Variants in RPS6 observed in about 807,000 individuals in gnomAD.
RPS6 encodes small ribosomal subunit protein eS6.
Under a neutral mutation model 27.1 loss-of-function variants are expected in RPS6, and 1 was observed. That is an observed-to-expected ratio of 0.04 (90% CI 0.01 to 0.18). RPS6 has a LOEUF of 0.18. RPS6 is among the 10% of genes least tolerant of loss of function. RPS6 has a pLI of 1.00. For missense variants in RPS6, 259 were observed against 319.1 expected, an observed-to-expected ratio of 0.81 and a Z score of 1.44; for synonymous variants, 152 against 106.0, an observed-to-expected ratio of 1.43 and a Z score of -2.66.
chr9:19,378,313 A>G (rs975608842), intron 4 of RPS6, 55 bp downstream of exon 4: 32 of 1,565,034 alleles, frequency 2.0e-5, no homozygotes, highest in Admixed American at 2.0e-4. Context: ...ATGCACACAA[A>G]ATGATAGACA....
rs1829581049 is a variant in RPS6 at position 19,376,146 on chromosome 9, CT to C, written c.*146del. ...CCACTACCACACACAATAGGTCTGA[CT>C]TTATCCACCATTGGAATACCATATA... On this transcript the variant is annotated 3_prime_UTR_variant, in exon 6 of 6. Transcript: ENST00000380394. The C allele has an allele frequency of 1.4e-6, 1 of 693,218 alleles. No individual in the cohort carries two copies. The highest frequency in any genetic ancestry group is 1.9e-5 in the South Asian group (1 of 52,232). 42.9% of individuals were successfully genotyped at this position (693,218 alleles called of 1,614,324 possible). A position where few individuals can be genotyped will look rare whatever the true frequency, so the allele number is the denominator to read the frequency against.
At chr9:19,377,620 T>G (rs1197765658) in intron 4 of RPS6, among the ~76,000 whole-genome samples, 1 of 152,228 alleles carries the variant, frequency 6.6e-6, no homozygotes, top group African/African-American at 2.4e-5. Context: ...ACATGCTGTT[T>G]ATTTAACATA....
Position 19,379,511 on chromosome 9 carries a change from A to G in RPS6, c.114T>C (p.Ala38=), listed in dbSNP as rs764390818. 6.2e-7 allele frequency: 1 copy of G among 1,614,196 alleles called. No homozygotes were observed. The highest frequency in any genetic ancestry group is 1.1e-5 in the South Asian group (1 of 91,074). ...YEKRMATEVA[A]DALGEEWKGY... is the part of the protein sequence containing the mutation. ...CCTTCCATTCTTCACCCAGAGCGTC[A>G]GCAGCAACTTCTGTGGCCATACGCT... Residue 38 remains alanine (A), a synonymous_variant, in exon 2 of 6, where the codon GCT becomes GCC. Transcript: ENST00000380394.
intron 2 of RPS6, 141 bp downstream of exon 2, chr9:19,379,346 A>C: frequency 3.2e-6 from 5 of 1,544,014 alleles, no homozygotes; most frequent in Non-Finnish European, 4.4e-6. Context: ...AATACCTCTA[A>C]CTTTATAAAG....
rs369681273 is a variant in RPS6, at chr9:19,376,264, G to A, written c.*29C>T. ...GAAAAGTCAACAGAGATCAGAGTCT[G>A]ATCTTATTTATTTGTTACTCAAAAA... is the stretch of plus-strand genomic sequence containing the variant. On this transcript the variant is annotated 3_prime_UTR_variant, in exon 6 of 6. Transcript: ENST00000380394. 3.8e-5 allele frequency: 59 copies of A among 1,558,900 alleles called. No homozygotes were observed. In the African/African-American group the frequency reaches 7.2e-4, roughly 19 times the overall value.
At chr9:19,376,809 C>T (rs1829596096) in intron 4 of RPS6, 158 bp from the exon 5 acceptor site, 4 of 586,008 alleles carry the variant, frequency 6.8e-6, no homozygotes, top group Non-Finnish European at 8.2e-6. Context: ...ATGCTTTTTG[C>T]CCCTCCACAG....
In RPS6 at chr9:19,376,548, C is replaced by G. The variant is rs1829591421; in HGVS notation, c.600G>C (p.Lys200Asn). The G allele has an allele frequency of 6.2e-7, 1 of 1,613,914 alleles. No individual in the cohort carries two copies. The highest frequency in any genetic ancestry group is 1.1e-5 in the South Asian group (1 of 91,080). ...ATTCTGCAGCCTCTTCTTTATTTTT[C>G]TTGGTACGCTGCTTCTTCAGAGCAA... is the stretch of plus-strand genomic sequence containing the variant. ...RRIALKKQRT[K>N]KNKEEAAEYA... Residue 200 changes from lysine (K) to asparagine (N), a missense_variant, in exon 5 of 6, where the codon AAG becomes AAC. Transcript: ENST00000380394.
chr9:19,380,060 C>G, intron 1 of RPS6, 130 bp downstream of exon 1: 2 of 1,595,718 alleles, frequency 1.3e-6, no homozygotes, highest in Non-Finnish European at 1.7e-6. Flanking sequence ...GAAAGGCGAG[C>G]CTTCTCCTAC....
At chr9:19,378,583 A>AT in intron 3 of RPS6, 69 bp from the exon 4 acceptor site, 1 of 1,589,904 alleles carries the variant, frequency 6.3e-7, no homozygotes. Context: ...AGAATGTTTA[A>AT]TGTTGAATTG....
chr9:19,378,585 G>A, intron 3 of RPS6, 71 bp from the exon 4 acceptor site: 2 of 1,587,568 alleles, frequency 1.3e-6, no homozygotes, highest in South Asian at 1.1e-5. Context: ...AATGTTTAAT[G>A]TTGAATTGAT....
chr9:19,379,247 T>C (rs906942536), intron 2 of RPS6: 60 of 1,398,770 alleles, frequency 4.3e-5, no homozygotes, highest in Admixed American at 5.7e-5. Flanking sequence ...ATGTGACATA[T>C]TGCCAAATGC....
chr9:19,379,810 A>AG, intron 1 of RPS6, 192 bp from the exon 2 acceptor site: 3 of 1,433,264 alleles, frequency 2.1e-6, no homozygotes, highest in Non-Finnish European at 2.7e-6. Context: ...CGCACTCAGC[A>AG]GGACGTTTTC....
rs547412896 is a variant in RPS6, at chr9:19,377,584, T to C, written c.496+784A>G. ...AAATCCAGAGAAATTCTTTCAAATT[T>C]TGTCAGGAAAACCCAACCTTGACTG... On this transcript the variant is annotated intron_variant, in intron 4 of 5. Coordinates refer to ENST00000380394, the MANE Select transcript of RPS6 (RefSeq NM_001010.3). Among the ~76,000 whole-genome samples the C allele has an allele frequency of 7.9e-5, 12 of 152,302 alleles. No individual in the cohort carries two copies. In the East Asian group the frequency reaches 2.1e-3, roughly 27 times the overall value.
At chr9:19,379,014 A>C (rs1360600175) in intron 2 of RPS6, 96 bp from the exon 3 acceptor site, 1 of 1,208,404 alleles carries the variant, frequency 8.3e-7, no homozygotes, top group African/African-American at 1.5e-5. Flanking sequence ...TATATGAGAA[A>C]GTATAATTAT....
At chr9:19,377,177 A>T (rs1310536925) in intron 4 of RPS6, among the ~76,000 whole-genome samples, 2 of 152,228 alleles carry the variant, frequency 1.3e-5, no homozygotes, top group African/African-American at 4.8e-5. Context: ...GCATTGGAGC[A>T]TAGGCCTTTT....
Position 19,376,205 on chromosome 9 carries a change from CCT to C in RPS6, c.*86_*87del. 8.7e-7 allele frequency: 1 copy of C among 1,153,980 alleles called. No homozygotes were observed. The highest frequency in any genetic ancestry group is 1.3e-6 in the Non-Finnish European group (1 of 795,200). 71.5% of individuals were successfully genotyped at this position (1,153,980 alleles called of 1,614,324 possible). On this transcript the variant is annotated 3_prime_UTR_variant, in exon 6 of 6. Coordinates refer to ENST00000380394, the MANE Select transcript of RPS6 (RefSeq NM_001010.3). ...CCCCATTTTCTATGACCTAACTTTCCCTCTCTTCATTTATGTAGTTTTCTATC... is the reference window on the plus strand; with the variant it reads ...CCCCATTTTCTATGACCTAACTTTCCCTCTTCATTTATGTAGTTTTCTATC...
At chr9:19,380,166 C>CT (rs1829655338) in intron 1 of RPS6, 24 bp downstream of exon 1, 1 of 1,614,064 alleles carries the variant, frequency 6.2e-7, no homozygotes, top group South Asian at 1.1e-5. Flanking sequence ...CAAACCCAGT[C>CT]TAACACTCGC....
chr9:19,378,013 C>A (rs1166402452), intron 4 of RPS6, among the ~76,000 whole-genome samples: 4 of 152,174 alleles, frequency 2.6e-5, no homozygotes, highest in Non-Finnish European at 5.9e-5. Flanking sequence ...TAATTTAGAA[C>A]ATCTGATATA....
chr9:19,378,559 AAGAATCCTAAATC>A, intron 3 of RPS6, 45 bp from the exon 4 acceptor site: 1 of 1,602,662 alleles, frequency 6.2e-7, no homozygotes, highest in Non-Finnish European at 8.5e-7. Context: ...CAACTTCCTT[AAGAATCCTAAATC>A]AGAATGTTTA....
Sources: allele counts gnomAD v4.1 joint callset (sites outside exome capture counted in the v4.1 genomes callset), GRCh38; gene constraint gnomAD v4.1.1; transcripts MANE v1.5; gene names NCBI Gene and HGNC (gene_info 2026-07-23, HGNC 2026-07-21).